Variants in HMCN2 observed in about 807,000 individuals in gnomAD.
HMCN2 encodes hemicentin 2, also known as hemicentin-2.
A neutral mutation model predicts 377.5 loss-of-function variants in HMCN2; 325 were observed. That is an observed-to-expected ratio of 0.86 (90% CI 0.79 to 0.94). The LOEUF (loss-of-function observed/expected upper bound fraction) is 0.94, where lower values mean the gene tolerates loss of function less well. Among genes scored for constraint, HMCN2 ranks in the 40% least tolerant of loss-of-function variants. The pLI is 0.00. For missense variants in HMCN2, 4,543 were observed against 4,725.3 expected (o/e 0.96, Z 1.13); for synonymous variants, 2,007 against 2,046.8 (o/e 0.98, Z 0.53).
At chr9:130,411,617 A>AG (rs1475985876) in intron 85 of HMCN2, among the ~76,000 whole-genome samples, 12 of 151,668 alleles carry the variant, frequency 7.9e-5, no homozygotes, top group African/African-American at 2.7e-4. Context: ...AAAAAAAAAA[A>AG]AGAACAAAAG....
At chr9:130,354,580 G>C (rs529067175) in intron 31 of HMCN2, among the ~76,000 whole-genome samples, 183 bp from the exon 32 acceptor site, 52 of 152,316 alleles carry the variant, frequency 3.4e-4, no homozygotes, top group African/African-American at 1.3e-3. Flanking sequence ...GCGCCCAGGG[G>C]CTGAGGAGGG....
intron 30 of HMCN2, among the ~76,000 whole-genome samples, chr9:130,352,478 C>A (rs754348649): frequency 2.6e-5 from 4 of 152,170 alleles, no homozygotes; most frequent in Non-Finnish European, 4.4e-5. Context: ...TTGGGAGGGG[C>A]GTAACCATTC....
chr9:130,370,535 A>G (rs1481317794), intron 45 of HMCN2, among the ~76,000 whole-genome samples: 2 of 152,108 alleles, frequency 1.3e-5, no homozygotes, highest in Non-Finnish European at 2.9e-5. Context: ...CTGGGTAGAG[A>G]GTGGCTTCCT....
Position 130,375,668 on chromosome 9 carries a change from C to A in HMCN2, c.7736C>A (p.Ser2579Tyr). ...SLICEALAFP[S>Y]PNITWMKDGA... is the part of the protein sequence containing the mutation. ...ATCTGCGAGGCCCTGGCCTTCCCTTCCCCCAACATCACCTGGATGAAGGAC... is the reference window on the plus strand; with the variant it reads ...ATCTGCGAGGCCCTGGCCTTCCCTTACCCCAACATCACCTGGATGAAGGAC... The change falls in exon 50 of 98, where the codon TCC becomes TAC. Residue 2579 changes from serine (S) to tyrosine (Y), a missense_variant. Physicochemically the swap from Ser to Tyr is moderately radical, Grantham distance 144. Around this residue, in one of 5 missense-constraint regions of HMCN2, gnomAD observed 736 missense variants for 773.2 expected, o/e 0.95. Coordinates refer to ENST00000683500, the MANE Select transcript of HMCN2 (RefSeq NM_001291815.2). 1.0e-6 allele frequency: 1 copy of A among 985,938 alleles called. No homozygotes were observed. The highest frequency in any genetic ancestry group is 1.2e-6 in the Non-Finnish European group (1 of 829,988). The allele number at this position is 985,938 out of a possible 1,614,324, so 61.1% of individuals were successfully genotyped here.
chr9:130,275,399 G>A (rs983915859), intron 1 of HMCN2, among the ~76,000 whole-genome samples: 3 of 152,208 alleles, frequency 2.0e-5, no homozygotes, highest in Non-Finnish European at 4.4e-5. Flanking sequence ...TCCGGGTTGT[G>A]TGTGTGTACC....
intron 93 of HMCN2, chr9:130,429,260 C>T (rs1844585676): frequency 2.3e-6 from 1 of 426,118 alleles, no homozygotes; most frequent in Admixed American, 3.9e-5. Flanking sequence ...GAAACTGAGG[C>T]TCAGAGAGGG....
intron 25 of HMCN2, among the ~76,000 whole-genome samples, chr9:130,344,458 G>C (rs1839232444): frequency 6.6e-6 from 1 of 151,034 alleles, no homozygotes. Context: ...ATGGTGTTTG[G>C]TGTATGTTGT....
Position 130,358,429 on chromosome 9 carries a change from T to TG in HMCN2, c.5621dup (p.Cys1874TrpfsTer52). The TG allele has an allele frequency of 7.7e-7, 1 of 1,304,336 alleles. No homozygotes were observed. The highest frequency in any genetic ancestry group is 1.0e-6 in the Non-Finnish European group (1 of 988,952). 80.8% of individuals were successfully genotyped at this position (1,304,336 alleles called of 1,614,324 possible). On this transcript the variant is annotated frameshift_variant, in exon 36 of 98. Coordinates refer to ENST00000683500, the MANE Select transcript of HMCN2 (RefSeq NM_001291815.2). LOFTEE classifies it high-confidence loss of function. ...CCTGAGGGACGAGGGCATCTACACT[T>TG]GTGCTGCTACCAACCTGGCTGGGGA...
chr9:130,377,328 C>T (rs1177979470), intron 52 of HMCN2, among the ~76,000 whole-genome samples: 1 of 151,816 alleles, frequency 6.6e-6, no homozygotes, highest in East Asian at 1.9e-4. Flanking sequence ...TTGGCCAGGC[C>T]GATCTCAAAC....
In HMCN2 at chr9:130,354,776, C is replaced by T. The variant is rs1356601846; in HGVS notation, c.4878C>T (p.Ile1626=). The change falls in exon 32 of 98, where the codon ATC becomes ATT. Residue 1626 remains isoleucine, a synonymous_variant. Transcript: ENST00000683500. The stretch of plus-strand genomic sequence containing the variant: ...CCTCTTTTCCAGTCCCACCTACCAT[C>T]GAGGGCGCCGGTGGAAGACCATACG... ...TRLDVYVPPT[I]EGAGGRPYVV... is the part of the protein sequence containing the mutation. 8.5e-6 allele frequency: 11 copies of T among 1,300,702 alleles called. No individual in the cohort carries two copies. Among genetic ancestry groups the T allele is most frequent in the South Asian group, 1.2e-5 (1 of 80,832 alleles). The allele number at this position is 1,300,702 out of a possible 1,614,324, so 80.6% of individuals were successfully genotyped here. A position where few individuals can be genotyped will look rare whatever the true frequency, so the allele number is the denominator to read the frequency against.
At chr9:130,286,684 G>T (rs1423553184) in intron 4 of HMCN2, among the ~76,000 whole-genome samples, 1 of 152,242 alleles carries the variant, frequency 6.6e-6, no homozygotes, top group Non-Finnish European at 1.5e-5. Flanking sequence ...TGGGTATGGG[G>T]CATCTTCTGA....
chr9:130,409,315 A>AGT (rs1452076732), intron 84 of HMCN2, among the ~76,000 whole-genome samples: 2 of 152,220 alleles, frequency 1.3e-5, no homozygotes, highest in Non-Finnish European at 2.9e-5. Flanking sequence ...AAGACACTGA[A>AGT]GTTCAGAGAG....
chr9:130,374,586 T>C lies in HMCN2; in HGVS notation c.7523T>C (p.Val2508Ala). The change falls in exon 49 of 98, where the codon GTC (valine) becomes GCC (alanine). Residue 2508 changes from valine to alanine, a missense_variant. Around this residue, in one of 5 missense-constraint regions of HMCN2, gnomAD observed 736 missense variants for 773.2 expected, o/e 0.95. Transcript: ENST00000683500. ...GCTCACCACATCTCCCCAGACGGAG[T>C]CCTCCTGCAGGTCCTCCAGGCAAAC... ...GDAHHISPDG[V>A]LLQVLQANLS... 2 of 985,636 alleles carry C rather than the reference T, an allele frequency of 2.0e-6. No individual in the cohort carries two copies. Among genetic ancestry groups the C allele is most frequent in the African/African-American group, 3.5e-5 (2 of 57,300 alleles). The allele number at this position is 985,636 out of a possible 1,614,324, so 61.1% of individuals were successfully genotyped here.
rs138433535 is a variant in HMCN2 at position 130,404,428 on chromosome 9, G to A, written c.12149-441G>A. On this transcript the variant is annotated intron_variant, in intron 80 of 97. Transcript: ENST00000683500. ...GTGCTCCTCTCCCCTGGGACCTGTA[G>A]CATCGCTGGTCACCAGACCAGCCAG... Among the ~76,000 whole-genome samples, 11 of 152,274 alleles carry A rather than the reference G, an allele frequency of 7.2e-5. No individual in the cohort carries two copies. The East Asian group carries it at 1.9e-3, about 27-fold the overall frequency.
intron 24 of HMCN2, among the ~76,000 whole-genome samples, chr9:130,341,630 G>A (rs1259594259): frequency 1.3e-5 from 2 of 152,168 alleles, no homozygotes; most frequent in Non-Finnish European, 2.9e-5. Context: ...CTTACCCTTG[G>A]GTGGTGACCT....
intron 29 of HMCN2, among the ~76,000 whole-genome samples, chr9:130,350,610 G>A (rs1027779045): frequency 1.3e-5 from 2 of 151,762 alleles, no homozygotes; most frequent in Non-Finnish European, 2.9e-5. Flanking sequence ...CAGTGGGCCA[G>A]GTGCAGTGGC....
In HMCN2 at chr9:130,384,673, T is replaced by G; in HGVS notation, c.8993-12T>G. ...TGGAATGCTGGTGTGAGGGGCTGGC[T>G]TCCCCCGGCAGGCACCCACACGCTG... On this transcript the variant is annotated splice_polypyrimidine_tract_variant and intron_variant, in intron 58 of 97. Transcript: ENST00000683500. The G allele has an allele frequency of 7.7e-7, 1 of 1,302,322 alleles. No individual in the cohort carries two copies. The highest frequency in any genetic ancestry group is 1.0e-6 in the Non-Finnish European group (1 of 988,586). 80.7% of individuals were successfully genotyped at this position (1,302,322 alleles called of 1,614,324 possible). A position where few individuals can be genotyped will look rare whatever the true frequency, so the allele number is the denominator to read the frequency against.
chr9:130,288,849 C>T (rs1010851832), intron 4 of HMCN2, among the ~76,000 whole-genome samples: 1 of 152,206 alleles, frequency 6.6e-6, no homozygotes, highest in Non-Finnish European at 1.5e-5. Context: ...AGGTGAGGAT[C>T]TCTCCCTGGT....
intron 83 of HMCN2, 27 bp from the exon 84 acceptor site, chr9:130,408,716 C>T (rs1184635701): frequency 1.2e-5 from 15 of 1,275,188 alleles, no homozygotes; most frequent in South Asian, 1.3e-5. Context: ...TCTTTTCTGA[C>T]AACTTGCTCG....
Sources: allele counts gnomAD v4.1 joint callset (sites outside exome capture counted in the v4.1 genomes callset), GRCh38; gene constraint gnomAD v4.1.1; regional missense constraint gnomAD v4.1.1; transcripts MANE v1.5; gene names NCBI Gene and HGNC (gene_info 2026-07-23, HGNC 2026-07-21).